Variants in PGGHG observed in about 807,000 individuals in gnomAD.
PGGHG encodes the protein ATH1, acid trehalase-like 1.
Under a neutral mutation model 74.5 loss-of-function variants are expected in PGGHG, and 67 were observed. The ratio of observed to expected loss-of-function variants is 0.90; its 90% CI spans 0.74 to 1.10. PGGHG has a LOEUF of 1.10. Ranked by LOEUF, PGGHG falls within the 50% of genes least tolerant of loss-of-function variation. The pLI is 0.00. For missense variants in PGGHG, 1,034 were observed against 981.5 expected (o/e 1.05, Z -0.72); for synonymous variants, 496 against 419.9 (o/e 1.18, Z -2.21).
chr11:289,933 G>A lies in PGGHG; in HGVS notation c.117G>A (p.Thr39=), dbSNP rs569744300. The A allele has an allele frequency of 6.4e-5, 99 of 1,550,824 alleles. No individual in the cohort carries two copies. The South Asian group carries it at 7.7e-4, about 12-fold the overall frequency. Reference sequence around the variant, plus strand: ...TGGGCACACGAGTGTTTCACGACACGCTGCACGTGAGCGGCGTGTACAATG... The same window carrying A: ...TGGGCACACGAGTGTTTCACGACACACTGCACGTGAGCGGCGTGTACAATG... The part of the protein sequence containing the change: ...AYLGTRVFHD[T]LHVSGVYNGA... Residue 39 remains threonine (T), a synonymous_variant, in exon 2 of 14, where the codon ACG becomes ACA. Transcript: ENST00000409548. The surrounding 1 kb of genome is among the most constrained non-coding windows in gnomAD (Gnocchi z 5.6).
At chr11:292,832 C>G (rs764881216) in intron 6 of PGGHG, 54 bp from the exon 7 acceptor site, 5 of 1,612,318 alleles carry the variant, frequency 3.1e-6, no homozygotes, top group Non-Finnish European at 4.2e-6. Context: ...AGACAGGCCA[C>G]TAGGAATGAG....
Position 291,283 on chromosome 11 carries a change from G to A in PGGHG, c.906+170G>A, listed in dbSNP as rs1454579242. The A allele has an allele frequency of 7.3e-6, 6 of 825,836 alleles. No individual in the cohort carries two copies. In the Admixed American group the frequency reaches 1.2e-4, roughly 17 times the overall value. The allele number at this position is 825,836 out of a possible 1,614,324, so 51.2% of individuals were successfully genotyped here. ...TTGGTAGAGGAGTGATCTAGGTGAG[G>A]GGAATGGAAGGTGCAGAGACCAGAG... On this transcript the variant is annotated intron_variant, in intron 4 of 13. Transcript: ENST00000409548.
chr11:293,353 C>T lies in PGGHG; in HGVS notation c.1344-13C>T. On this transcript the variant is annotated splice_polypyrimidine_tract_variant and intron_variant, in intron 8 of 13. Transcript: ENST00000409548. Reference sequence around the variant, plus strand: ...TAGGGGTTGCAGCCTCCCCCACCTACCTCCACCTCCAGCCTGCGCTTTGCT... The same window carrying T: ...TAGGGGTTGCAGCCTCCCCCACCTATCTCCACCTCCAGCCTGCGCTTTGCT... 6.2e-7 allele frequency: 1 copy of T among 1,609,998 alleles called. No homozygotes were observed. The highest frequency in any genetic ancestry group is 2.2e-5 in the East Asian group (1 of 44,846).
In PGGHG at chr11:293,460, G is replaced by T. The variant is rs779005950; in HGVS notation, c.1438G>T (p.Val480Leu). 6.2e-7 allele frequency: 1 copy of T among 1,611,982 alleles called. No individual in the cohort carries two copies. The highest frequency in any genetic ancestry group is 8.5e-7 in the Non-Finnish European group (1 of 1,179,998). Residue 480 changes from valine to leucine, a missense_variant, in exon 9 of 14, where the codon GTG becomes TTG. Val to Leu is a conservative substitution (Grantham distance 32, BLOSUM62 1). Transcript: ENST00000409548. ...TGACAAGATCAAGGTACCCTTTGAC[G>T]TGGAGCAGAACTTCCACCCGGAGTT... ...VADKIKVPFD[V>L]EQNFHPEFDG...
At position 294,917 on chromosome 11, in the gene PGGHG, A is replaced by C; in HGVS notation, c.*168A>C. 1 of 777,508 alleles carries C rather than the reference A, an allele frequency of 1.3e-6. No homozygotes were observed. The allele number at this position is 777,508 out of a possible 1,614,324, so 48.2% of individuals were successfully genotyped here. ...TCAAGGCTTTCTGCCTGTAGCCTGG[A>C]CTCCCGTGGACCCCCGTGGGCAGGT... On this transcript the variant is annotated 3_prime_UTR_variant, in exon 14 of 14. Transcript: ENST00000409548.
Position 292,685 on chromosome 11 carries a change from G to A in PGGHG, c.1158+8G>A, listed in dbSNP as rs768689080. The A allele has an allele frequency of 6.2e-7, 1 of 1,613,698 alleles. No homozygotes were observed. Among genetic ancestry groups the A allele is most frequent in the Non-Finnish European group, 8.5e-7 (1 of 1,179,952 alleles). On this transcript the variant is annotated splice_region_variant and intron_variant, in intron 6 of 13. Coordinates refer to ENST00000409548, the MANE Select transcript of PGGHG (RefSeq NM_025092.5). ...TACTACCATACCACCCAGGTGAGGTGCTGCGTGCCCACCATTCCTGCAAGT... is the reference window on the plus strand; with the variant it reads ...TACTACCATACCACCCAGGTGAGGTACTGCGTGCCCACCATTCCTGCAAGT...
intron 12 of PGGHG, 23 bp from the exon 13 acceptor site, chr11:294,244 C>G (rs368457511): frequency 1.7e-5 from 27 of 1,593,332 alleles, no homozygotes; most frequent in Non-Finnish European, 2.3e-5. Context: ...CACCTGCCAC[C>G]TCACAAGCCT....
rs1452060006 is a variant in PGGHG at position 292,949 on chromosome 11, T to C, written c.1222T>C (p.Cys408Arg). The C allele has an allele frequency of 6.2e-7, 1 of 1,613,988 alleles. No homozygotes were observed. Among genetic ancestry groups the C allele is most frequent in the Admixed American group, 1.7e-5 (1 of 60,004 alleles). Residue 408 changes from cysteine to arginine, a missense_variant, in exon 7 of 14, where the codon TGC becomes CGC. Coordinates refer to ENST00000409548, the MANE Select transcript of PGGHG (RefSeq NM_025092.5). ...GGTCAGGGCTGTGGCCGAGTTTTGG[T>C]GCAGTCGTGTTGAGTGGAGCCCCAG... is the stretch of plus-strand genomic sequence containing the variant. Reference protein sequence around the residue: ...DVVRAVAEFWCSRVEWSPREE... With the variant: ...DVVRAVAEFWRSRVEWSPREE...
rs751437376 is a variant in PGGHG at position 290,432 on chromosome 11, C to T, written c.302C>T (p.Ser101Phe). Residue 101 changes from serine to phenylalanine, a missense_variant, in exon 3 of 14, where the codon TCC (serine) becomes TTC (phenylalanine). Coordinates refer to ENST00000409548, the MANE Select transcript of PGGHG (RefSeq NM_025092.5). Reference sequence around the variant, plus strand: ...CTGGAGGGCCCCCGCTTCCGGGCCTCCCAGTGCATCTATGCGCATCGCACG... The same window carrying T: ...CTGGAGGGCCCCCGCTTCCGGGCCTTCCAGTGCATCTATGCGCATCGCACG... ...HTLEGPRFRA[S>F]QCIYAHRTLP... The T allele has an allele frequency of 7.9e-5, 122 of 1,548,624 alleles. No homozygotes were observed. Among genetic ancestry groups the T allele is most frequent in the Non-Finnish European group, 9.7e-5 (111 of 1,146,908 alleles).
chr11:291,129 C>T lies in PGGHG; in HGVS notation c.906+16C>T, dbSNP rs568848028. 12 of 1,539,352 alleles carry T rather than the reference C, an allele frequency of 7.8e-6. No individual in the cohort carries two copies. The highest frequency in any genetic ancestry group is 1.1e-5 in the Non-Finnish European group (12 of 1,140,686). On this transcript the variant is annotated intron_variant, in intron 4 of 13. Coordinates refer to ENST00000409548, the MANE Select transcript of PGGHG (RefSeq NM_025092.5). ...CTGGGACCAGGTGAGCACTGTACAC[C>T]CAGCACCAGCCACACAGCAGGCGAC...
Position 294,950 on chromosome 11 carries a change from C to A in PGGHG, c.*201C>A. ...GGACCCCCGTGGGCAGGTGGCTTCC[C>A]CGTGGCATCTCCACACCGCCTCTGC... On this transcript the variant is annotated 3_prime_UTR_variant, in exon 14 of 14. Coordinates refer to ENST00000409548, the MANE Select transcript of PGGHG (RefSeq NM_025092.5). 1 of 577,990 alleles carries A rather than the reference C, an allele frequency of 1.7e-6. No individual in the cohort carries two copies. The highest frequency in any genetic ancestry group is 2.9e-6 in the Non-Finnish European group (1 of 345,564). The allele number at this position is 577,990 out of a possible 1,614,324, so 35.8% of individuals were successfully genotyped here.
rs1343284447 is a variant in PGGHG, at chr11:294,387, G to A, written c.1929G>A (p.Val643=). 1.9e-6 allele frequency: 3 copies of A among 1,613,096 alleles called. No homozygotes were observed. Among genetic ancestry groups the A allele is most frequent in the East Asian group, 4.5e-5 (2 of 44,862 alleles). The part of the protein sequence containing the change: ...KLNFSFSEDS[V]TVEVTARAGP... ...ACTTCTCTTTTTCCGAGGACTCCGTGACCGTGGAGGTCACAGCTCGAGCAG... is the reference window on the plus strand; with the variant it reads ...ACTTCTCTTTTTCCGAGGACTCCGTAACCGTGGAGGTCACAGCTCGAGCAG... Residue 643 remains valine, a synonymous_variant, in exon 13 of 14, where the codon GTG becomes GTA. Coordinates refer to ENST00000409548, the MANE Select transcript of PGGHG (RefSeq NM_025092.5).
Position 290,531 on chromosome 11 carries a change from T to C in PGGHG, c.401T>C (p.Leu134Pro). ...APGSGPITLL[L>P]RSAFSPESPD... Reference sequence around the variant, plus strand: ...GGGAGCGGGCCCATCACGCTGCTCCTGCGGTCAGCCTTCTCCCCAGAAAGC... The same window carrying C: ...GGGAGCGGGCCCATCACGCTGCTCCCGCGGTCAGCCTTCTCCCCAGAAAGC... Residue 134 changes from leucine to proline, a missense_variant, in exon 3 of 14, where the codon CTG becomes CCG. Physicochemically the swap from Leu to Pro is moderately conservative, Grantham distance 98. Coordinates refer to ENST00000409548, the MANE Select transcript of PGGHG (RefSeq NM_025092.5). The C allele has an allele frequency of 6.4e-7, 1 of 1,550,624 alleles. No homozygotes were observed. Among genetic ancestry groups the C allele is most frequent in the Non-Finnish European group, 8.7e-7 (1 of 1,147,002 alleles).
rs1845777350 is a variant in PGGHG at position 293,163 on chromosome 11, G to A, written c.1271G>A (p.Gly424Glu). 2 of 1,613,898 alleles carry A rather than the reference G, an allele frequency of 1.2e-6. No individual in the cohort carries two copies. The highest frequency in any genetic ancestry group is 1.7e-4 in the Middle Eastern group (1 of 6,060). Residue 424 changes from glycine (G) to glutamate (E), a missense_variant and splice_region_variant, in exon 8 of 14, where the codon GGA (glycine) becomes GAA (glutamate). By Grantham distance (98) the Gly-to-Glu change is moderately conservative (BLOSUM62 -2). Transcript: ENST00000409548. ...CACCATCTTGGACTTGTGTGTCCAG[G>A]AGTCATGTCCCCCGACGAGTACCAT... Reference protein sequence around the residue: ...SPREEKYHLRGVMSPDEYHSG... With the variant: ...SPREEKYHLREVMSPDEYHSG...
Position 289,985 on chromosome 11 carries a change from A to ATGCTGCCCAGCCCC in PGGHG, c.170_183dup (p.Leu62CysfsTer20). ...GGCTGGCGGGGACACGCACCGGGCC[A>ATGCTGCCCAGCCCC]TGCTGCCCAGCCCCCTCAACGTCCG... On this transcript the variant is annotated frameshift_variant, in exon 2 of 14. Coordinates refer to ENST00000409548, the MANE Select transcript of PGGHG (RefSeq NM_025092.5). LOFTEE classifies it high-confidence loss of function. The surrounding 1 kb of genome is among the most constrained non-coding windows in gnomAD (Gnocchi z 5.6). 1 of 1,549,416 alleles carries ATGCTGCCCAGCCCC rather than the reference A, an allele frequency of 6.5e-7. No homozygotes were observed. The highest frequency in any genetic ancestry group is 2.4e-5 in the East Asian group (1 of 40,914).
intron 6 of PGGHG, 81 bp from the exon 7 acceptor site, chr11:292,805 G>A (rs11246056): frequency 0.042 from 67,241 of 1,608,446 alleles, 4,922 homozygotes; most frequent in East Asian, 0.29. Context: ...TCAATGCCAG[G>A]CCTTGCTTCT....
Position 294,622 on chromosome 11 carries a change from G to A in PGGHG, c.2087G>A (p.Ser696Asn). 6.2e-7 allele frequency: 1 copy of A among 1,607,560 alleles called. No individual in the cohort carries two copies. Among genetic ancestry groups the A allele is most frequent in the South Asian group, 1.1e-5 (1 of 88,734 alleles). ...IQMSPPKLPG[S>N]SSSEFPGRTF... ...ATGTCACCCCCGAAGCTGCCTGGAA[G>A]TTCCAGCTCCGAGTTCCCTGGGAGG... is the stretch of plus-strand genomic sequence containing the variant. Residue 696 changes from serine to asparagine, a missense_variant, in exon 14 of 14, where the codon AGT becomes AAT. Physicochemically the swap from Ser to Asn is conservative, Grantham distance 46. Coordinates refer to ENST00000409548, the MANE Select transcript of PGGHG (RefSeq NM_025092.5).
Position 290,790 on chromosome 11 carries a change from G to T in PGGHG, c.583G>T (p.Ala195Ser), listed in dbSNP as rs1239961122. The change falls in exon 4 of 14, where the codon GCT (alanine) becomes TCT (serine). Residue 195 changes from alanine to serine, a missense_variant. Ala to Ser is a moderately conservative substitution (Grantham distance 99, BLOSUM62 1). Transcript: ENST00000409548. ...CCTGACCCTTGGGGAAGGTGAGGAG[G>T]CTAGGACGTGGGACTTCCTGACAGC... is the stretch of plus-strand genomic sequence containing the variant. ...PDLTLGEGEEARTWDFLTAVG... is the reference protein window; with the variant it reads ...PDLTLGEGEESRTWDFLTAVG... 6.2e-7 allele frequency: 1 copy of T among 1,612,730 alleles called. No individual in the cohort carries two copies. Among genetic ancestry groups the T allele is most frequent in the South Asian group, 1.1e-5 (1 of 91,000 alleles).
At chr11:294,231 C>G (rs751271714) in intron 12 of PGGHG, 35 bp downstream of exon 12, 10 of 1,593,436 alleles carry the variant, frequency 6.3e-6, no homozygotes, top group Non-Finnish European at 8.6e-6. Context: ...CAGCCCATGC[C>G]CCCACCTGCC....
Sources: gnomAD v4.1 joint callset for allele counts on GRCh38, gnomAD v4.1.1 for gene constraint, Gnocchi (gnomAD v3.1) non-coding constraint, MANE v1.5 for transcripts, NCBI Gene and HGNC (gene_info 2026-07-23, HGNC 2026-07-21) for gene names.